The following EXOC4 variants were observed in gnomAD, a reference collection of about 807,000 sequenced individuals.
EXOC4 encodes SEC8-like 1.
In EXOC4, 71 loss-of-function variants were observed where a neutral mutation model predicts 107.2. The observed-to-expected ratio is 0.66, with a 90% CI of 0.55 to 0.81. The LOEUF (loss-of-function observed/expected upper bound fraction) is 0.81, where lower values mean the gene tolerates loss of function less well. Among genes scored for constraint, EXOC4 ranks in the 30% least tolerant of loss-of-function variants. The pLI is 0.00. For missense variants in EXOC4, 1,108 were observed against 1,189.6 expected, an observed-to-expected ratio of 0.93 and a Z score of 1.01; for synonymous variants, 456 against 441.2, an observed-to-expected ratio of 1.03 and a Z score of -0.42.
At chr7:133,385,388 G>A (rs1796706087) in intron 7 of EXOC4, among the ~76,000 whole-genome samples, 1 of 152,182 alleles carries the variant, frequency 6.6e-6, no homozygotes, top group African/African-American at 2.4e-5. Context: ...TTGGGTTTGT[G>A]TCACAAGATA....
intron 11 of EXOC4, among the ~76,000 whole-genome samples, chr7:133,894,334 A>G (rs1172407550): frequency 4.5e-4 from 51 of 112,168 alleles, no homozygotes; most frequent in African/African-American, 2.1e-3. Context: ...ATTCTTCTAA[A>G]TTTTTTTCAA....
At chr7:133,998,256 T>C (rs1794442008) in intron 15 of EXOC4, among the ~76,000 whole-genome samples, 1 of 152,214 alleles carries the variant, frequency 6.6e-6, no homozygotes, top group Non-Finnish European at 1.5e-5. Flanking sequence ...TTTTGAAATC[T>C]GCACATTTTG....
intron 9 of EXOC4, among the ~76,000 whole-genome samples, chr7:133,537,917 T>C (rs1207608952): frequency 6.6e-6 from 1 of 152,218 alleles, no homozygotes; most frequent in Non-Finnish European, 1.5e-5. Context: ...ATAATACATA[T>C]TTTTGGTTCA....
chr7:133,324,931 T>C (rs1053400085), intron 5 of EXOC4, among the ~76,000 whole-genome samples: 6 of 152,384 alleles, frequency 3.9e-5, no homozygotes, highest in South Asian at 4.1e-4. Flanking sequence ...TAGTTAGCTC[T>C]TCTTGTTGAA....
intron 11 of EXOC4, among the ~76,000 whole-genome samples, chr7:133,868,814 G>A (rs945046302): frequency 6.6e-6 from 1 of 151,938 alleles, no homozygotes; most frequent in African/African-American, 2.4e-5. Context: ...TGATGTCTTG[G>A]GAAAAAATAA....
intron 9 of EXOC4, among the ~76,000 whole-genome samples, chr7:133,491,233 A>G (rs1799366172): frequency 6.6e-6 from 1 of 152,254 alleles, no homozygotes; most frequent in Non-Finnish European, 1.5e-5. Flanking sequence ...TAATAGTCAT[A>G]ATATAGGATG....
chr7:133,867,412 G>A (rs1037758089), intron 11 of EXOC4, among the ~76,000 whole-genome samples: 3 of 152,108 alleles, frequency 2.0e-5, no homozygotes, highest in East Asian at 1.9e-4. Context: ...CAATCCTTAC[G>A]AAGTGTATAA....
intron 14 of EXOC4, among the ~76,000 whole-genome samples, chr7:133,981,568 A>C (rs894164175): frequency 1.4e-4 from 22 of 152,174 alleles, no homozygotes; most frequent in Admixed American, 3.3e-4. Flanking sequence ...CACACCAGTC[A>C]GAATAGCTAT....
At chr7:133,961,959 C>G (rs1800955877) in intron 14 of EXOC4, among the ~76,000 whole-genome samples, 1 of 152,180 alleles carries the variant, frequency 6.6e-6, no homozygotes, top group Non-Finnish European at 1.5e-5. Flanking sequence ...GGTGGCCGCC[C>G]TCATTTCTCA....
intron 3 of EXOC4, among the ~76,000 whole-genome samples, chr7:133,303,329 G>C (rs549989385): frequency 6.6e-6 from 1 of 152,316 alleles, no homozygotes; most frequent in African/African-American, 2.4e-5. Flanking sequence ...AGCTCCTCGG[G>C]AGGCTGAGGC....
chr7:133,916,859 G>A (rs1310638156), intron 12 of EXOC4, among the ~76,000 whole-genome samples: 1 of 152,154 alleles, frequency 6.6e-6, no homozygotes, highest in Non-Finnish European at 1.5e-5. Flanking sequence ...GACACATGTT[G>A]AACCGAAAGA....
chr7:133,605,303 TA>T (rs1458423405), intron 9 of EXOC4, among the ~76,000 whole-genome samples: 1 of 152,146 alleles, frequency 6.6e-6, no homozygotes, highest in Non-Finnish European at 1.5e-5. Flanking sequence ...AGATAAAATT[TA>T]TAATATAATA....
chr7:133,330,854 C>T (rs546731935), intron 5 of EXOC4, among the ~76,000 whole-genome samples: 10 of 152,066 alleles, frequency 6.6e-5, no homozygotes, highest in South Asian at 4.2e-4. Context: ...CCTTCTTCTG[C>T]GTCGATCTCA....
At chr7:133,292,659 T>A (rs769297286) in intron 3 of EXOC4, among the ~76,000 whole-genome samples, 64 of 152,360 alleles carry the variant, frequency 4.2e-4, no homozygotes, top group Non-Finnish European at 8.7e-4. Flanking sequence ...ATGTCCCAGA[T>A]ATTCAGATAG....
At chr7:133,502,175 A>AT (rs1219800244) in intron 9 of EXOC4, among the ~76,000 whole-genome samples, 1 of 152,140 alleles carries the variant, frequency 6.6e-6, no homozygotes, top group Admixed American at 6.6e-5. Context: ...TGTAAAAAAA[A>AT]AGAAAAAAGA....
chr7:133,475,160 C>G (rs1798980847), intron 7 of EXOC4, among the ~76,000 whole-genome samples, 168 bp from the exon 8 acceptor site: 1 of 152,118 alleles, frequency 6.6e-6, no homozygotes, highest in African/African-American at 2.4e-5. Flanking sequence ...GACTTACTAG[C>G]TATAATGAAT....
intron 10 of EXOC4, among the ~76,000 whole-genome samples, chr7:133,726,147 G>T (rs1795210338): frequency 6.6e-6 from 1 of 152,166 alleles, no homozygotes. Context: ...TTAAAACCAT[G>T]GGTAGGAATA....
chr7:133,570,621 C>A (rs1801003721), intron 9 of EXOC4, among the ~76,000 whole-genome samples: 1 of 152,126 alleles, frequency 6.6e-6, no homozygotes, highest in Admixed American at 6.5e-5. Context: ...GAAGGCTAGA[C>A]CATGTCATGC....
At chr7:133,493,438 A>G (rs972342701) in intron 9 of EXOC4, among the ~76,000 whole-genome samples, 3 of 152,232 alleles carry the variant, frequency 2.0e-5, no homozygotes, top group Non-Finnish European at 2.9e-5. Context: ...CTCTGTCTCA[A>G]AGCAAAACAA....
Sources: gnomAD v4.1 joint callset for allele counts (sites outside exome capture counted in the v4.1 genomes callset) on GRCh38, gnomAD v4.1.1 for gene constraint, MANE v1.5 for transcripts, NCBI Gene and HGNC (gene_info 2026-07-23, HGNC 2026-07-21) for gene names.